Variants in CUL1 observed in about 807,000 individuals in gnomAD.
The protein encoded by CUL1 is cullin 1.
In CUL1, 24 loss-of-function variants were observed where a neutral mutation model predicts 118.0. That is an observed-to-expected ratio of 0.20 (90% confidence interval 0.15 to 0.29). CUL1 has a LOEUF of 0.29. CUL1 is among the 10% of genes least tolerant of loss of function. The probability of loss-of-function intolerance (pLI) is 1.00; values close to 1 mark genes in which losing one functional copy is unlikely to be tolerated. For synonymous variants in CUL1, 332 were observed against 340.4 expected (o/e 0.98, Z 0.27); for missense variants, 361 against 933.8 (o/e 0.39, Z 7.99).
intron 1 of CUL1, among the ~76,000 whole-genome samples, chr7:148,704,172 G>A (rs1179431621): frequency 6.5e-5 from 6 of 92,552 alleles, no homozygotes; most frequent in African/African-American, 2.1e-4. Context: ...CCCCACCCCC[G>A]TGGAAAAAAA....
At chr7:148,741,500 G>A (rs529948549) in intron 2 of CUL1, among the ~76,000 whole-genome samples, 59 of 152,312 alleles carry the variant, frequency 3.9e-4, no homozygotes, top group African/African-American at 1.1e-3. Flanking sequence ...AGTGCGTGGC[G>A]AGATCTCAGC....
intron 1 of CUL1, among the ~76,000 whole-genome samples, chr7:148,703,574 C>T (rs935928358): frequency 3.6e-4 from 55 of 152,026 alleles, no homozygotes; most frequent in African/African-American, 1.3e-3. Context: ...ACTCTGTCGC[C>T]CCCACTGGAG....
chr7:148,789,736 C>G lies in CUL1; in HGVS notation c.1598-14C>G. 1 of 1,612,476 alleles carries G rather than the reference C, an allele frequency of 6.2e-7. No individual in the cohort carries two copies. Among genetic ancestry groups the G allele is most frequent in the African/African-American group, 1.3e-5 (1 of 75,026 alleles). The stretch of plus-strand genomic sequence containing the variant: ...TTCCAGAATGTTCACTCTCCCCTCT[C>G]TTCCGTCCCACAGTGGATTTCAGCA... On this transcript the variant is annotated splice_polypyrimidine_tract_variant and intron_variant, in intron 14 of 21. Coordinates refer to ENST00000325222, the MANE Select transcript of CUL1 (RefSeq NM_003592.3).
intron 1 of CUL1, among the ~76,000 whole-genome samples, chr7:148,705,892 C>G (rs243543): frequency 0.45 from 67,872 of 152,064 alleles, 16,063 homozygotes; most frequent in African/African-American, 0.61. Context: ...ATCTTTAAAA[C>G]GTTTGCTTGC....
chr7:148,736,386 A>C (rs1024981631), intron 2 of CUL1, among the ~76,000 whole-genome samples: 9 of 151,984 alleles, frequency 5.9e-5, no homozygotes, highest in African/African-American at 2.2e-4. Context: ...GCAGCCTCCA[A>C]CTCCTGGACT....
chr7:148,781,327 C>G (rs537858791), intron 9 of CUL1, among the ~76,000 whole-genome samples: 1 of 152,024 alleles, frequency 6.6e-6, no homozygotes, highest in South Asian at 2.1e-4. Flanking sequence ...ATGATCTGCC[C>G]GCCTACGCCT....
chr7:148,725,034 A>G (rs186154276), intron 1 of CUL1, among the ~76,000 whole-genome samples: 206 of 152,248 alleles, frequency 1.4e-3, no homozygotes, highest in African/African-American at 4.6e-3. Context: ...ATGGATATAT[A>G]GTTTGTAAAG....
intron 1 of CUL1, among the ~76,000 whole-genome samples, chr7:148,708,465 G>A (rs1797955386): frequency 2.0e-5 from 3 of 152,222 alleles, no homozygotes; most frequent in Admixed American, 6.5e-5. Flanking sequence ...GCTGTCACCA[G>A]CTTCATTCTG....
chr7:148,727,796 G>A (rs1475388928), intron 1 of CUL1, among the ~76,000 whole-genome samples: 2 of 152,030 alleles, frequency 1.3e-5, no homozygotes, highest in African/African-American at 4.8e-5. Context: ...GGCTGAACCT[G>A]AGGGGAGGGA....
chr7:148,726,715 G>A (rs893596152), intron 1 of CUL1, among the ~76,000 whole-genome samples: 3 of 151,018 alleles, frequency 2.0e-5, no homozygotes, highest in Non-Finnish European at 1.5e-5. Context: ...GGAAGGGTCA[G>A]AACTATCATT....
At chr7:148,783,634 A>G (rs1247295316) in intron 9 of CUL1, 149 bp from the exon 10 acceptor site, 1 of 1,540,796 alleles carries the variant, frequency 6.5e-7, no homozygotes, top group Non-Finnish European at 8.7e-7. Context: ...CGATGGTACC[A>G]AAAGTATTTC....
chr7:148,787,671 C>T lies in CUL1; in HGVS notation c.1479+551C>T, dbSNP rs1029294526. Among the ~76,000 whole-genome samples, 5 of 152,262 alleles carry T rather than the reference C, an allele frequency of 3.3e-5. No individual in the cohort carries two copies. In the South Asian group the frequency reaches 6.2e-4, roughly 19 times the overall value. ...TACCCAGGCCTGGCTGGGCTCAGCT[C>T]ACCATCTGTGGGGCCTCTCCTGCCT... On this transcript the variant is annotated intron_variant, in intron 13 of 21. Coordinates refer to ENST00000325222, the MANE Select transcript of CUL1 (RefSeq NM_003592.3). The surrounding 1 kb of genome is among the most constrained non-coding windows in gnomAD (Gnocchi z 5.5).
rs372441488 is a variant in CUL1 at position 148,730,390 on chromosome 7, A to G, written c.140+128A>G. The G allele has an allele frequency of 7.2e-5, 81 of 1,132,490 alleles. No individual in the cohort carries two copies. The East Asian group carries it at 1.6e-3, about 23-fold the overall frequency. The allele number at this position is 1,132,490 out of a possible 1,614,324, so 70.2% of individuals were successfully genotyped here. A position where few individuals can be genotyped will look rare whatever the true frequency, so the allele number is the denominator to read the frequency against. ...ATCATGTAAAATAATCGCAGGGTTC[A>G]TTTTTAGCCTTAAGTTTTTGAACAG... On this transcript the variant is annotated intron_variant, in intron 2 of 21. Transcript: ENST00000325222.
At chr7:148,757,949 G>C (rs930484378) in intron 4 of CUL1, among the ~76,000 whole-genome samples, 3 of 152,160 alleles carry the variant, frequency 2.0e-5, no homozygotes, top group African/African-American at 7.2e-5. Flanking sequence ...GGTGCCTCCC[G>C]CAACATGTGG....
At chr7:148,788,360 G>T (rs544533562) in intron 13 of CUL1, among the ~76,000 whole-genome samples, 197 bp from the exon 14 acceptor site, 1 of 152,342 alleles carries the variant, frequency 6.6e-6, no homozygotes, top group East Asian at 1.9e-4. Flanking sequence ...GCAACATAGA[G>T]TTGTGGGGTT....
At chr7:148,699,737 C>T (rs552454726) in intron 1 of CUL1, among the ~76,000 whole-genome samples, 2,315 of 152,140 alleles carry the variant, frequency 0.015, 36 homozygotes, top group Middle Eastern at 0.035. Context: ...AGCCCGGCGG[C>T]CGAACCGGAC....
At chr7:148,722,497 C>T (rs768041277) in intron 1 of CUL1, among the ~76,000 whole-genome samples, 1 of 152,220 alleles carries the variant, frequency 6.6e-6, no homozygotes, top group Admixed American at 6.5e-5. Context: ...CTGTTCCTGT[C>T]CCCCGCCATC....
chr7:148,714,212 A>C (rs917960488), intron 1 of CUL1, among the ~76,000 whole-genome samples: 1 of 152,224 alleles, frequency 6.6e-6, no homozygotes, highest in Non-Finnish European at 1.5e-5. Context: ...ATAGCATGCA[A>C]CCTGATGATT....
In CUL1 at chr7:148,725,211, ACGCG is replaced by A. The variant is rs1186553527; in HGVS notation, c.-161-4745_-161-4742del. ...CATGCGCGCGTGTACACACACACAC[ACGCG>A]CGCGCTCACACACACACACACACAC... On this transcript the variant is annotated intron_variant, in intron 1 of 21. Transcript: ENST00000325222. Among the ~76,000 whole-genome samples, 634 of 143,354 alleles carry A rather than the reference ACGCG, an allele frequency of 4.4e-3. 8 individuals carry two copies. Among genetic ancestry groups the A allele is most frequent in the African/African-American group, 0.017 (596 of 34,558 alleles). 94.0% of individuals were successfully genotyped at this position (143,354 alleles called of 152,430 possible).
Sources: gnomAD v4.1 joint callset for allele counts (sites outside exome capture counted in the v4.1 genomes callset) on GRCh38, gnomAD v4.1.1 for gene constraint, Gnocchi (gnomAD v3.1) non-coding constraint, MANE v1.5 for transcripts, NCBI Gene and HGNC (gene_info 2026-07-23, HGNC 2026-07-21) for gene names.